The following NOL6 variants were observed in gnomAD, a reference collection of about 807,000 sequenced individuals.
The protein encoded by NOL6 is nucleolar RNA-associated protein.
Under a neutral mutation model 131.7 loss-of-function variants are expected in NOL6, and 33 were observed. That is an observed-to-expected ratio of 0.25 (90% CI 0.19 to 0.33). The LOEUF (loss-of-function observed/expected upper bound fraction) is 0.33. Among genes scored for constraint, NOL6 ranks in the 10% least tolerant of loss-of-function variants. The pLI is 1.00. For synonymous variants in NOL6, 580 were observed against 605.7 expected (o/e 0.96, Z 0.62); for missense variants, 1,297 against 1,494.5 (o/e 0.87, Z 2.18).
At chr9:33,463,698 C>T (rs1016711022) in intron 23 of NOL6, 133 bp downstream of exon 23, 5 of 986,100 alleles carry the variant, frequency 5.1e-6, no homozygotes, top group Middle Eastern at 3.3e-4. Flanking sequence ...CCAGGCACCA[C>T]AGCAGCTTCA....
chr9:33,464,429 G>T (rs1442998582), intron 21 of NOL6, among the ~76,000 whole-genome samples: 2 of 151,996 alleles, frequency 1.3e-5, no homozygotes, highest in African/African-American at 4.8e-5. Context: ...GCTGAGTCTT[G>T]CCCCTGGCCC....
At position 33,470,068 on chromosome 9, in the gene NOL6, G is replaced by T. The variant is rs756213764; in HGVS notation, c.502C>A (p.Leu168Met). 13 of 1,612,684 alleles carry T rather than the reference G, an allele frequency of 8.1e-6. No individual in the cohort carries two copies. The South Asian group carries it at 8.8e-5, about 11-fold the overall frequency. Reference protein sequence around the residue: ...AQVTVVGSYLLGTCIRPDINV... With the variant: ...AQVTVVGSYLMGTCIRPDINV... The stretch of plus-strand genomic sequence containing the variant: ...ATGTCTGGTCGGATGCAGGTGCCCA[G>T]AAGGTAGCTGCCCACAACAGTAACC... Residue 168 changes from leucine (L) to methionine (M), a missense_variant, in exon 4 of 26, where the codon CTG (leucine) becomes ATG (methionine). Physicochemically the swap from Leu to Met is conservative, Grantham distance 15 (BLOSUM62 2). Transcript: ENST00000297990.
chr9:33,472,140 A>T lies in NOL6; in HGVS notation c.262-20T>A, dbSNP rs747396709. On this transcript the variant is annotated intron_variant, in intron 2 of 25. Transcript: ENST00000297990. ...CTCTACCTGTAAGAGAGGGTAGAAG[A>T]CAGTCCATCAGCCTCAGGGTCCCAG... 4 of 1,613,410 alleles carry T rather than the reference A, an allele frequency of 2.5e-6. No homozygotes were observed. The South Asian group carries it at 4.4e-5, about 18-fold the overall frequency.
chr9:33,465,135 A>G (rs2119012767), intron 20 of NOL6, 72 bp downstream of exon 20: 1 of 1,530,670 alleles, frequency 6.5e-7, no homozygotes, highest in East Asian at 2.4e-5. Context: ...ATGTAGACTT[A>G]GGGTGCAGCA....
At chr9:33,473,597 G>A (rs1055126440) in intron 1 of NOL6, among the ~76,000 whole-genome samples, 192 bp downstream of exon 1, 2 of 152,178 alleles carry the variant, frequency 1.3e-5, no homozygotes, top group Non-Finnish European at 2.9e-5. Flanking sequence ...CGGCTTCACT[G>A]CTTCTAACCA....
Position 33,467,519 on chromosome 9 carries a change from G to A in NOL6, c.1603-3C>T, listed in dbSNP as rs1299826159. ...GGTGGATCTTGGCTGATGTCCCACTGCAGGATTTCAAAAGGCTGAGCTCAG... is the reference window on the plus strand; with the variant it reads ...GGTGGATCTTGGCTGATGTCCCACTACAGGATTTCAAAAGGCTGAGCTCAG... On this transcript the variant is annotated splice_region_variant and splice_polypyrimidine_tract_variant and intron_variant, in intron 12 of 25. Transcript: ENST00000297990. This position sits in a 1 kb window ranked among gnomAD's most constrained non-coding sequence, Gnocchi z 4.4. 1 of 1,614,082 alleles carries A rather than the reference G, an allele frequency of 6.2e-7. No individual in the cohort carries two copies. The highest frequency in any genetic ancestry group is 2.2e-5 in the East Asian group (1 of 44,886).
chr9:33,469,951 G>C (rs1587224930), intron 4 of NOL6, 61 bp downstream of exon 4: 3 of 1,450,784 alleles, frequency 2.1e-6, no homozygotes, highest in East Asian at 4.8e-5. Context: ...TAAGAAAGAG[G>C]GATCCAGGAT....
At chr9:33,472,513 T>C in intron 1 of NOL6, 101 bp from the exon 2 acceptor site, 1 of 886,230 alleles carries the variant, frequency 1.1e-6, no homozygotes, top group Non-Finnish European at 1.8e-6. Context: ...CTTCACCTGC[T>C]CTGTCCCTCT....
rs367598608 is a variant in NOL6, at chr9:33,463,309, G to A, written c.3127C>T (p.Pro1043Ser). 3.7e-6 allele frequency: 6 copies of A among 1,614,130 alleles called. No individual in the cohort carries two copies. Among genetic ancestry groups the A allele is most frequent in the Admixed American group, 1.7e-5 (1 of 60,022 alleles). ...FCRGLLSQPGPSSLMPVLGYD... is the reference protein window; with the variant it reads ...FCRGLLSQPGSSSLMPVLGYD... ...CCCAGCACGGGCATCAGGGATGAGG[G>A]CCCCGGCTGGCTGAGCAGGCCCCGG... Residue 1043 changes from proline to serine, a missense_variant, in exon 24 of 26, where the codon CCC becomes TCC. Transcript: ENST00000297990.
At chr9:33,470,213 C>T in intron 3 of NOL6, 22 bp from the exon 4 acceptor site, 1 of 1,521,936 alleles carries the variant, frequency 6.6e-7, no homozygotes, top group Non-Finnish European at 8.9e-7. Flanking sequence ...GAGACAGGGA[C>T]ACATACTGAT....
At position 33,466,184 on chromosome 9, in the gene NOL6, C is replaced by A. The variant is rs1194584047; in HGVS notation, c.2251G>T (p.Ala751Ser). 2 of 1,612,730 alleles carry A rather than the reference C, an allele frequency of 1.2e-6. No homozygotes were observed. Among genetic ancestry groups the A allele is most frequent in the African/African-American group, 2.7e-5 (2 of 74,926 alleles). The change falls in exon 18 of 26, where the codon GCT becomes TCT. Residue 751 changes from alanine to serine, a missense_variant. Coordinates refer to ENST00000297990, the MANE Select transcript of NOL6 (RefSeq NM_022917.5). ...GCTCGGACCCGCTGCACGGCCTCAG[C>A]GTCCTGTGGCCACTGGCCACTGCCC... ...LEGSGQWPQD[A>S]EAVQRVRAAF...
chr9:33,472,665 G>A, intron 1 of NOL6: 1 of 541,220 alleles, frequency 1.8e-6, no homozygotes, highest in East Asian at 3.3e-5. Flanking sequence ...TTTGGAATTG[G>A]TAGTGATAGA....
chr9:33,465,063 G>T, intron 20 of NOL6, 87 bp from the exon 21 acceptor site: 1 of 1,448,744 alleles, frequency 6.9e-7, no homozygotes, highest in Non-Finnish European at 9.6e-7. Context: ...ACCCCCTGGT[G>T]TGGATTGGCA....
At position 33,468,800 on chromosome 9, in the gene NOL6, T is replaced by A. The variant is rs965788114; in HGVS notation, c.1099A>T (p.Thr367Ser). Residue 367 changes from threonine to serine, a missense_variant, in exon 8 of 26, where the codon ACC becomes TCC. Coordinates refer to ENST00000297990, the MANE Select transcript of NOL6 (RefSeq NM_022917.5). ...VFLVSTRKIH[T>S]TMSGYQVLRS... ...AGGACCTGGTAGCCACTCATGGTGG[T>A]ATGGATCTTGCGTGTAGACACAAGG... 6.2e-7 allele frequency: 1 copy of A among 1,614,018 alleles called. No homozygotes were observed. The highest frequency in any genetic ancestry group is 1.7e-5 in the Admixed American group (1 of 60,004).
Position 33,462,789 on chromosome 9 carries a change from C to A in NOL6, c.3316G>T (p.Val1106Leu), listed in dbSNP as rs1827133093. Reference protein sequence around the residue: ...FKASSTKGRMVMSRGGELVMV... With the variant: ...FKASSTKGRMLMSRGGELVMV... The stretch of plus-strand genomic sequence containing the variant: ...ACTAGCTCCCCACCTCGAGACATCA[C>A]CATGCGCCCCTTTGTGCTGGAGGCC... Residue 1106 changes from valine to leucine, a missense_variant, in exon 26 of 26, where the codon GTG becomes TTG. Transcript: ENST00000297990. 8.1e-6 allele frequency: 13 copies of A among 1,614,174 alleles called. No individual in the cohort carries two copies. The highest frequency in any genetic ancestry group is 1.1e-5 in the Non-Finnish European group (13 of 1,180,022).
At position 33,465,332 on chromosome 9, in the gene NOL6, A is replaced by G; in HGVS notation, c.2556T>C (p.Ser852=). The change falls in exon 20 of 26, where the codon TCT becomes TCC. Residue 852 remains serine, a synonymous_variant. Coordinates refer to ENST00000297990, the MANE Select transcript of NOL6 (RefSeq NM_022917.5). Reference sequence around the variant, plus strand: ...ACCGCTTGGCCAGCCGTGCCACACCAGAGAAGGCTGGGTGCTGCTGCTGCA... The same window carrying G: ...ACCGCTTGGCCAGCCGTGCCACACCGGAGAAGGCTGGGTGCTGCTGCTGCA... ...HGLQQQHPAF[S]GVARLAKRWV... 1 of 1,593,142 alleles carries G rather than the reference A, an allele frequency of 6.3e-7. No homozygotes were observed. Among genetic ancestry groups the G allele is most frequent in the Admixed American group, 1.7e-5 (1 of 57,936 alleles).
At chr9:33,463,171 C>A (rs778116228) in intron 24 of NOL6, 37 bp from the exon 25 acceptor site, 1 of 1,607,928 alleles carries the variant, frequency 6.2e-7, no homozygotes, top group Non-Finnish European at 8.5e-7. Context: ...TATAGGCAGG[C>A]ATTTAAGAGC....
chr9:33,473,789 C>T lies in NOL6; in HGVS notation c.54G>A (p.Glu18=). ...GTTCCTCCCCGATGGCTCAACCCACCTCTGGCTCTCCAGTCGCTCCGCGAA... is the reference window on the plus strand; with the variant it reads ...GTTCCTCCCCGATGGCTCAACCCACTTCTGGCTCTCCAGTCGCTCCGCGAA... ...EQLRGATGEP[E]VMEPALEGTG... The change falls in exon 1 of 26, where the codon GAG becomes GAA. Residue 18 remains glutamate (E), a splice_region_variant and synonymous_variant. Coordinates refer to ENST00000297990, the MANE Select transcript of NOL6 (RefSeq NM_022917.5). 6.2e-7 allele frequency: 1 copy of T among 1,612,056 alleles called. No homozygotes were observed. Among genetic ancestry groups the T allele is most frequent in the East Asian group, 2.2e-5 (1 of 44,888 alleles).
rs986204940 is a variant in NOL6, at chr9:33,466,942, G to C, written c.1920C>G (p.Pro640=). Residue 640 remains proline, a synonymous_variant, in exon 15 of 26, where the codon CCC becomes CCG. Transcript: ENST00000297990. ...TCAGGCCTTGGATAAGTGCATCCAG[G>C]GGGCCCCCCACATAGTGGACACAGG... ...PETCVHYVGG[P]LDALIQGLKE... The C allele has an allele frequency of 6.2e-7, 1 of 1,614,160 alleles. No homozygotes were observed. The highest frequency in any genetic ancestry group is 1.6e-4 in the Middle Eastern group (1 of 6,062).
Sources: allele counts gnomAD v4.1 joint callset (sites outside exome capture counted in the v4.1 genomes callset), GRCh38; gene constraint gnomAD v4.1.1; non-coding constraint Gnocchi (gnomAD v3.1); transcripts MANE v1.5; gene names NCBI Gene and HGNC (gene_info 2026-07-23, HGNC 2026-07-21).